The following ATOSA variants were observed in gnomAD, a reference collection of about 807,000 sequenced individuals.
ATOSA encodes the protein atos homolog A.
chr15:52,680,386 T>A, the ATOSA span, among the ~76,000 whole-genome samples: 1 of 152,220 alleles, frequency 6.6e-6, no homozygotes, highest in Non-Finnish European at 1.5e-5. Flanking sequence ...TTTTTAGATA[T>A]AATTTTGCAT....
the ATOSA span, among the ~76,000 whole-genome samples, chr15:52,696,967 T>A: frequency 6.6e-6 from 1 of 152,160 alleles, no homozygotes; most frequent in Non-Finnish European, 1.5e-5. Context: ...TCTAATCATA[T>A]TTAATCTATT....
the ATOSA span, among the ~76,000 whole-genome samples, chr15:52,675,905 C>CAAA: frequency 2.0e-4 from 19 of 95,792 alleles, no homozygotes; most frequent in East Asian, 2.3e-3. Flanking sequence ...GACTCCGTCT[C>CAAA]AAAAAAAAAA....
the ATOSA span, among the ~76,000 whole-genome samples, chr15:52,662,536 C>T: frequency 1.3e-5 from 2 of 152,054 alleles, no homozygotes; most frequent in South Asian, 2.1e-4. Flanking sequence ...TTTGGGAGGC[C>T]AAGGAGGGCG....
chr15:52,678,426 T>A, the ATOSA span: 10 of 196,422 alleles, frequency 5.1e-5, no homozygotes, highest in Admixed American at 5.6e-5. Flanking sequence ...CAACACAAAC[T>A]AACCCCTTCG....
the ATOSA span, among the ~76,000 whole-genome samples, chr15:52,634,948 G>GT: frequency 1.3e-5 from 2 of 151,848 alleles, no homozygotes; most frequent in African/African-American, 4.8e-5. Context: ...AAAGTTAAAG[G>GT]TTAAAAAAAG....
At chr15:52,664,766 A>G in the ATOSA span, among the ~76,000 whole-genome samples, 1 of 152,162 alleles carries the variant, frequency 6.6e-6, no homozygotes, top group African/African-American at 2.4e-5. Flanking sequence ...TAGCAAGACC[A>G]GTCTCTACAA....
At chr15:52,606,990 A>G in the ATOSA span, among the ~76,000 whole-genome samples, 3 of 152,230 alleles carry the variant, frequency 2.0e-5, no homozygotes, top group East Asian at 5.8e-4. Context: ...GTAGGAAATC[A>G]AATGAAATGA....
At chr15:52,662,808 G>C in the ATOSA span, among the ~76,000 whole-genome samples, 1 of 150,696 alleles carries the variant, frequency 6.6e-6, no homozygotes, top group Non-Finnish European at 1.5e-5. Context: ...TATTAGTATT[G>C]TGTACCATGT....
chr15:52,604,400 G>A, the ATOSA span, among the ~76,000 whole-genome samples: 1 of 152,260 alleles, frequency 6.6e-6, no homozygotes, highest in African/African-American at 2.4e-5. Context: ...GAACATACGC[G>A]AGATACTGTA....
At chr15:52,597,200 A>G in the ATOSA span, among the ~76,000 whole-genome samples, 527 of 2,974 alleles carry the variant, frequency 0.18, 5 homozygotes, top group Non-Finnish European at 0.24. Context: ...ATTCTATTCT[A>G]TTCTATTCTA....
the ATOSA span, chr15:52,608,431 T>C: frequency 1.3e-6 from 1 of 758,550 alleles, no homozygotes; most frequent in Non-Finnish European, 2.0e-6. Flanking sequence ...ACTAGTTCTG[T>C]AGGTTTATTA....
the ATOSA span, chr15:52,657,559 C>A: frequency 6.6e-6 from 1 of 152,162 alleles, no homozygotes; most frequent in Non-Finnish European, 1.5e-5. Flanking sequence ...CCTCCCAATT[C>A]CCTAAGCTAA....
the ATOSA span, among the ~76,000 whole-genome samples, chr15:52,651,005 C>T: frequency 6.6e-6 from 1 of 152,136 alleles, no homozygotes; most frequent in Non-Finnish European, 1.5e-5. Context: ...GTTGAACAGA[C>T]CAATTTTTCC....
At chr15:52,649,747 G>A in the ATOSA span, 6 of 152,116 alleles carry the variant, frequency 3.9e-5, no homozygotes, top group African/African-American at 1.4e-4. Flanking sequence ...TGCTAGCAAT[G>A]TTATTATAAC....
the ATOSA span, among the ~76,000 whole-genome samples, chr15:52,629,065 T>C: frequency 6.6e-6 from 1 of 152,198 alleles, no homozygotes. Context: ...CTTCAATCTA[T>C]AAGTGTCCAT....
chr15:52,598,003 A>G, the ATOSA span, among the ~76,000 whole-genome samples: 1 of 152,084 alleles, frequency 6.6e-6, no homozygotes, highest in Non-Finnish European at 1.5e-5. Context: ...GCGCTCCTGT[A>G]ATCCCAGTTA....
At chr15:52,632,984 T>C in the ATOSA span, among the ~76,000 whole-genome samples, 1 of 152,194 alleles carries the variant, frequency 6.6e-6, no homozygotes, top group South Asian at 2.1e-4. Flanking sequence ...ACATTCACTG[T>C]AGAATTCAAT....
the ATOSA span, among the ~76,000 whole-genome samples, chr15:52,668,432 G>A: frequency 6.6e-6 from 1 of 152,150 alleles, no homozygotes; most frequent in South Asian, 2.1e-4. Flanking sequence ...GGAAGAGGTT[G>A]ATCAACAGAT....
the ATOSA span, chr15:52,605,376 G>A: frequency 1.2e-5 from 7 of 603,420 alleles, 1 homozygote; most frequent in Admixed American, 1.1e-4. Context: ...GTGATATACA[G>A]GTGGGATATC....
Sources: gnomAD v4.1 joint callset for allele counts (sites outside exome capture counted in the v4.1 genomes callset) on GRCh38, gnomAD v4.1.1 for gene constraint, MANE v1.5 for transcripts, NCBI Gene and HGNC (gene_info 2026-07-23, HGNC 2026-07-21) for gene names.